Variants in DGKB observed in about 807,000 individuals in gnomAD.
The protein encoded by DGKB is 90 kDa diacylglycerol kinase.
DGKB carries 67 observed loss-of-function variants against 114.3 expected under a neutral mutation model. The observed-to-expected ratio is 0.59, with a 90% CI of 0.48 to 0.72. DGKB has a LOEUF of 0.72. Ranked by LOEUF, DGKB falls within the 30% of genes least tolerant of loss-of-function variation. The probability of loss-of-function intolerance (pLI) is 0.00; values close to 1 mark genes in which losing one functional copy is unlikely to be tolerated. For synonymous variants in DGKB, 398 were observed against 323.1 expected, an observed-to-expected ratio of 1.23 and a Z score of -2.49; for missense variants, 907 against 975.2, an observed-to-expected ratio of 0.93 and a Z score of 0.93.
At chr7:14,343,177 A>ACACACC (rs1811904142) in intron 22 of DGKB, among the ~76,000 whole-genome samples, 1 of 151,132 alleles carries the variant, frequency 6.6e-6, no homozygotes. Flanking sequence ...ACACACACAC[A>ACACACC]CACACACACA....
chr7:14,303,080 A>G (rs759521690), intron 23 of DGKB, among the ~76,000 whole-genome samples: 3 of 152,190 alleles, frequency 2.0e-5, no homozygotes, highest in Non-Finnish European at 4.4e-5. Context: ...ATGTAGAATT[A>G]TCTTAGACAA....
At chr7:14,569,117 T>C (rs1798006441) in intron 20 of DGKB, among the ~76,000 whole-genome samples, 1 of 152,194 alleles carries the variant, frequency 6.6e-6, no homozygotes, top group Non-Finnish European at 1.5e-5. Context: ...AGCTGCTGAG[T>C]AGATGACTTT....
At chr7:14,698,303 C>T (rs1210683773) in intron 7 of DGKB, 134 bp from the exon 8 acceptor site, 5 of 528,860 alleles carry the variant, frequency 9.5e-6, no homozygotes, top group Admixed American at 4.1e-5. Context: ...TATATATGTA[C>T]ATAATCCTTT....
At chr7:14,353,353 A>G (rs912177404) in intron 21 of DGKB, among the ~76,000 whole-genome samples, 2 of 152,196 alleles carry the variant, frequency 1.3e-5, no homozygotes, top group Non-Finnish European at 2.9e-5. Flanking sequence ...AACCTGAGGG[A>G]AGTATACCGT....
chr7:14,739,764 G>A (rs979369053), intron 4 of DGKB, among the ~76,000 whole-genome samples: 1 of 152,168 alleles, frequency 6.6e-6, no homozygotes, highest in African/African-American at 2.4e-5. Flanking sequence ...TCTTGGGTTT[G>A]GGAATGTCGG....
intron 23 of DGKB, among the ~76,000 whole-genome samples, chr7:14,314,518 A>T (rs1806093543): frequency 6.6e-6 from 1 of 152,138 alleles, no homozygotes; most frequent in South Asian, 2.1e-4. Context: ...GATCAACTGG[A>T]AGAAAGGGTA....
chr7:14,212,600 G>A (rs964320532), intron 23 of DGKB, among the ~76,000 whole-genome samples: 1 of 152,006 alleles, frequency 6.6e-6, no homozygotes, highest in Non-Finnish European at 1.5e-5. Flanking sequence ...CACCAATACG[G>A]CTTCAATTGC....
intron 25 of DGKB, among the ~76,000 whole-genome samples, chr7:14,171,472 T>A (rs1780984442): frequency 6.6e-6 from 1 of 152,178 alleles, no homozygotes; most frequent in African/African-American, 2.4e-5. Flanking sequence ...CCTATTAATA[T>A]TTCAAATAAT....
chr7:14,837,470 C>G (rs1407874700), intron 2 of DGKB, among the ~76,000 whole-genome samples: 1 of 152,120 alleles, frequency 6.6e-6, no homozygotes, highest in Non-Finnish European at 1.5e-5. Context: ...CACCTTATTC[C>G]AAGAAAGCAA....
intron 21 of DGKB, among the ~76,000 whole-genome samples, chr7:14,374,277 G>T (rs973805662): frequency 6.6e-6 from 1 of 152,164 alleles, no homozygotes; most frequent in Non-Finnish European, 1.5e-5. Context: ...TTTAGGAGGG[G>T]TTACCCCACT....
intron 23 of DGKB, among the ~76,000 whole-genome samples, chr7:14,324,559 T>G (rs1808398207): frequency 6.6e-6 from 1 of 151,848 alleles, no homozygotes; most frequent in South Asian, 2.1e-4. Context: ...AAAGATATAA[T>G]TACCTAGGAT....
chr7:14,168,723 G>A (rs577321734), intron 25 of DGKB, among the ~76,000 whole-genome samples: 1 of 152,198 alleles, frequency 6.6e-6, no homozygotes, highest in African/African-American at 2.4e-5. Context: ...GCTGGATGCA[G>A]GCATGCGTAG....
intron 21 of DGKB, among the ~76,000 whole-genome samples, chr7:14,434,402 G>A (rs1828934425): frequency 6.6e-6 from 1 of 152,020 alleles, no homozygotes; most frequent in South Asian, 2.1e-4. Context: ...TAATCACAAG[G>A]GTCCTCAAAA....
At chr7:14,428,313 C>T (rs1054074407) in intron 21 of DGKB, among the ~76,000 whole-genome samples, 2 of 152,054 alleles carry the variant, frequency 1.3e-5, no homozygotes, top group African/African-American at 4.8e-5. Context: ...TTGACTTTCA[C>T]TTCTGTAACT....
At chr7:14,288,008 G>C (rs181451990) in intron 23 of DGKB, among the ~76,000 whole-genome samples, 1 of 152,204 alleles carries the variant, frequency 6.6e-6, no homozygotes, top group African/African-American at 2.4e-5. Context: ...CCAAGGCTAT[G>C]ATGCTTCAGG....
At chr7:14,874,543 T>C (rs1220256365) in intron 1 of DGKB, among the ~76,000 whole-genome samples, 1 of 151,912 alleles carries the variant, frequency 6.6e-6, no homozygotes, top group Non-Finnish European at 1.5e-5. Context: ...AAAGCACATA[T>C]CATATAATTT....
At position 14,861,903 on chromosome 7, in the gene DGKB, G is replaced by A. The variant is rs79795790; in HGVS notation, c.-187-20453C>T. ...AGCTGCTTGCAAGATTTGTTCTTATGGAAATGCTGTTAGGAATATTCTTAT... is the reference window on the plus strand; with the variant it reads ...AGCTGCTTGCAAGATTTGTTCTTATAGAAATGCTGTTAGGAATATTCTTAT... On this transcript the variant is annotated intron_variant, in intron 1 of 25. Transcript: ENST00000402815. 7.9e-5 allele frequency among the ~76,000 whole-genome samples: 12 copies of A among 152,024 alleles called. No individual in the cohort carries two copies. In the East Asian group the frequency reaches 2.1e-3, roughly 27 times the overall value.
At chr7:14,849,443 G>T (rs1849058714) in intron 1 of DGKB, among the ~76,000 whole-genome samples, 1 of 152,076 alleles carries the variant, frequency 6.6e-6, no homozygotes, top group African/African-American at 2.4e-5. Context: ...GGCAAGTTCA[G>T]CCTCCTTTGC....
At chr7:14,911,658 A>G (rs1018355004) in intron 1 of DGKB, among the ~76,000 whole-genome samples, 6 of 152,106 alleles carry the variant, frequency 3.9e-5, no homozygotes, top group South Asian at 2.1e-4. Flanking sequence ...TTTCAAATCT[A>G]TATCACCTGA....
Sources: gnomAD v4.1 joint callset for allele counts (sites outside exome capture counted in the v4.1 genomes callset) on GRCh38, gnomAD v4.1.1 for gene constraint, MANE v1.5 for transcripts, NCBI Gene and HGNC (gene_info 2026-07-23, HGNC 2026-07-21) for gene names.